Variants in FBXL2 observed in about 807,000 individuals in gnomAD.
The protein encoded by FBXL2 is F-box/LRR-repeat protein 2.
A neutral mutation model predicts 69.2 loss-of-function variants in FBXL2; 38 were observed. That is an observed-to-expected ratio of 0.55 (90% CI 0.42 to 0.72). The LOEUF is 0.72. Among genes scored for constraint, FBXL2 ranks in the 30% least tolerant of loss-of-function variants. The probability of loss-of-function intolerance (pLI) is 0.00; values close to 1 mark genes in which losing one functional copy is unlikely to be tolerated. For missense variants in FBXL2, 354 were observed against 520.3 expected, an observed-to-expected ratio of 0.68 and a Z score of 3.11; for synonymous variants, 192 against 201.3, an observed-to-expected ratio of 0.95 and a Z score of 0.39.
At chr3:33,411,740 A>G in the FBXL2 span, 7 of 1,335,098 alleles carry the variant, frequency 5.2e-6, no homozygotes, top group Middle Eastern at 3.6e-4. Context: ...TAACTTAAAA[A>G]ACTTACAACT....
At chr3:33,419,756 T>G in the FBXL2 span, among the ~76,000 whole-genome samples, 3 of 152,188 alleles carry the variant, frequency 2.0e-5, no homozygotes, top group African/African-American at 7.2e-5. Flanking sequence ...ACCAGACTTT[T>G]AGAAATTTCC....
In FBXL2 at chr3:33,324,339, G is replaced by A. The variant is rs192881397; in HGVS notation, c.65+26614G>A. On this transcript the variant is annotated intron_variant, in intron 2 of 14. Coordinates refer to ENST00000484457, the MANE Select transcript of FBXL2 (RefSeq NM_012157.5). ...CCATTTGTCAATTTTGGCTTTTGTT[G>A]GCATTGCTTTTGGTGTTTTAGTCAT... Among the ~76,000 whole-genome samples, 5 of 152,168 alleles carry A rather than the reference G, an allele frequency of 3.3e-5. No homozygotes were observed. In the East Asian group the frequency reaches 9.6e-4, roughly 29 times the overall value.
intron 2 of FBXL2, among the ~76,000 whole-genome samples, chr3:33,337,743 A>G (rs1468974585): frequency 1.3e-5 from 2 of 152,208 alleles, no homozygotes; most frequent in African/African-American, 2.4e-5. Flanking sequence ...AGGCTCTTAG[A>G]TCTGATAAAC....
At chr3:33,287,246 A>G (rs1204211914) in intron 1 of FBXL2, among the ~76,000 whole-genome samples, 1 of 152,166 alleles carries the variant, frequency 6.6e-6, no homozygotes, top group African/African-American at 2.4e-5. Context: ...TATGAGATCT[A>G]TGTTAATAGA....
intron 5 of FBXL2, among the ~76,000 whole-genome samples, chr3:33,369,161 C>T (rs1397760925): frequency 2.0e-5 from 3 of 151,844 alleles, no homozygotes; most frequent in Admixed American, 6.6e-5. Flanking sequence ...AAGCGATTCT[C>T]GTGCCTCAGA....
downstream of FBXL2, among the ~76,000 whole-genome samples, chr3:33,405,999 A>C (rs2044409562): frequency 6.6e-6 from 1 of 152,254 alleles, no homozygotes; most frequent in African/African-American, 2.4e-5. Flanking sequence ...TTCTATTATC[A>C]GTCAGCTTTC....
intron 4 of FBXL2, among the ~76,000 whole-genome samples, chr3:33,363,793 A>G (rs1325799175): frequency 1.3e-5 from 2 of 152,172 alleles, no homozygotes; most frequent in African/African-American, 4.8e-5. Flanking sequence ...AATAGGTACA[A>G]GAAATTGTTC....
intron 2 of FBXL2, among the ~76,000 whole-genome samples, chr3:33,357,531 C>CTT (rs11425930): frequency 0.014 from 1,872 of 129,340 alleles, 70 homozygotes; most frequent in Non-Finnish European, 0.017. Context: ...TCCACTGAGT[C>CTT]TTTTTTTTTT....
chr3:33,407,049 A>G (rs1200661165), downstream of FBXL2, among the ~76,000 whole-genome samples: 1 of 152,218 alleles, frequency 6.6e-6, no homozygotes, highest in African/African-American at 2.4e-5. Context: ...CCTTTGTAGG[A>G]GTTTGAAGAA....
At chr3:33,379,698 C>CAA (rs200352958) in intron 13 of FBXL2, among the ~76,000 whole-genome samples, 1 of 144,066 alleles carries the variant, frequency 6.9e-6, no homozygotes, top group African/African-American at 2.6e-5. Flanking sequence ...AAAACAAAAA[C>CAA]AAAAAAAAAC....
At chr3:33,358,933 A>G (rs1370142344) in intron 2 of FBXL2, 34 bp from the exon 3 acceptor site, 9 of 1,353,672 alleles carry the variant, frequency 6.6e-6, no homozygotes, top group Admixed American at 2.2e-5. Context: ...TGTTAACACC[A>G]TCTCGTTTTT....
In FBXL2 at chr3:33,374,265, T is replaced by C. The variant is rs536077100; in HGVS notation, c.657+344T>C. 6.6e-5 allele frequency among the ~76,000 whole-genome samples: 10 copies of C among 152,306 alleles called. No homozygotes were observed. In the East Asian group the frequency reaches 1.7e-3, roughly 26 times the overall value. On this transcript the variant is annotated intron_variant, in intron 9 of 14. Transcript: ENST00000484457. Reference sequence around the variant, plus strand: ...ATGAAGTGTCTTTTTTTTTAACTTATAAATTAAGGATGATGACTCCTCTCA... The same window carrying C: ...ATGAAGTGTCTTTTTTTTTAACTTACAAATTAAGGATGATGACTCCTCTCA...
chr3:33,375,564 G>C, intron 10 of FBXL2, 146 bp downstream of exon 10: 1 of 835,444 alleles, frequency 1.2e-6, no homozygotes, highest in Admixed American at 2.6e-5. Flanking sequence ...GTAAATTGGG[G>C]TGGGGCGTGT....
chr3:33,277,556 C>T (rs2033411013), intron 1 of FBXL2, 41 bp downstream of exon 1: 4 of 1,267,446 alleles, frequency 3.2e-6, no homozygotes, highest in Middle Eastern at 2.3e-4. Flanking sequence ...CCCCGCCCTA[C>T]CCCTACCGGG....
In FBXL2 at chr3:33,373,623, T is replaced by C. The variant is rs375629550; in HGVS notation, c.501T>C (p.Asp167=). 2 of 1,614,068 alleles carry C rather than the reference T, an allele frequency of 1.2e-6. No individual in the cohort carries two copies. The highest frequency in any genetic ancestry group is 2.7e-5 in the African/African-American group (2 of 74,908). ...AGTACCTGAACCTCTCTTGGTGTGA[T>C]CAGATCACGAAGGATGGCATCGAGG... ...NLEYLNLSWC[D]QITKDGIEAL... The change falls in exon 8 of 15, where the codon GAT becomes GAC. Residue 167 remains aspartate (D), a synonymous_variant. Transcript: ENST00000484457.
chr3:33,330,829 C>T (rs1227526529), intron 2 of FBXL2, among the ~76,000 whole-genome samples: 1 of 151,954 alleles, frequency 6.6e-6, no homozygotes, highest in Non-Finnish European at 1.5e-5. Flanking sequence ...GCGGAGGTTG[C>T]AGTGAGTCAA....
Position 33,377,290 on chromosome 3 carries a change from G to A in FBXL2, c.806G>A (p.Arg269Gln), listed in dbSNP as rs946181883. 5.0e-6 allele frequency: 8 copies of A among 1,613,984 alleles called. No individual in the cohort carries two copies. The African/African-American group carries it at 5.3e-5, about 11-fold the overall frequency. Reference protein sequence around the residue: ...CPRLQILEAARCSHLTDAGFT... With the variant: ...CPRLQILEAAQCSHLTDAGFT... Reference sequence around the variant, plus strand: ...CTCCTCAGAATTTTGGAGGCTGCCCGATGCTCCCATTTGACTGACGCAGGT... The same window carrying A: ...CTCCTCAGAATTTTGGAGGCTGCCCAATGCTCCCATTTGACTGACGCAGGT... The change falls in exon 11 of 15, where the codon CGA (arginine) becomes CAA (glutamine). Residue 269 changes from arginine (R) to glutamine (Q), a missense_variant. By Grantham distance (43) the Arg-to-Gln change is conservative. Coordinates refer to ENST00000484457, the MANE Select transcript of FBXL2 (RefSeq NM_012157.5).
downstream of FBXL2, chr3:33,392,373 G>A (rs2043803690): frequency 1.9e-6 from 1 of 521,822 alleles, no homozygotes; most frequent in Non-Finnish European, 3.2e-6. Context: ...CAGTCATCTA[G>A]AAAGACTGAC....
chr3:33,324,324 A>G (rs1302538047), intron 2 of FBXL2, among the ~76,000 whole-genome samples: 2 of 152,006 alleles, frequency 1.3e-5, no homozygotes, highest in Non-Finnish European at 2.9e-5. Context: ...CCATTTGTCA[A>G]TTTTGGCTTT....
Sources: gnomAD v4.1 joint callset for allele counts (sites outside exome capture counted in the v4.1 genomes callset) on GRCh38, gnomAD v4.1.1 for gene constraint, MANE v1.5 for transcripts, NCBI Gene and HGNC (gene_info 2026-07-23, HGNC 2026-07-21) for gene names.